The following ADCY9 variants were observed in gnomAD, a reference collection of about 807,000 sequenced individuals.
ADCY9 encodes the protein adenylate cyclase 9.
Under a neutral mutation model 101.5 loss-of-function variants are expected in ADCY9, and 50 were observed. The observed-to-expected ratio is 0.49, with a 90% CI of 0.39 to 0.62. The LOEUF is 0.62. ADCY9 is among the 20% of genes least tolerant of loss of function. The probability of loss-of-function intolerance (pLI) is 0.00; values close to 1 mark genes in which losing one functional copy is unlikely to be tolerated. For synonymous variants in ADCY9, 905 were observed against 769.3 expected (o/e 1.18, Z -2.92); for missense variants, 1,662 against 1,800.4 (o/e 0.92, Z 1.39).
chr16:4,074,217 TC>T (rs2056852278), intron 2 of ADCY9, among the ~76,000 whole-genome samples: 1 of 152,046 alleles, frequency 6.6e-6, no homozygotes, highest in Admixed American at 6.5e-5. Context: ...TACAAGGTTC[TC>T]ATAGAACCTT....
At chr16:4,095,387 G>A (rs2056997227) in intron 2 of ADCY9, among the ~76,000 whole-genome samples, 1 of 148,262 alleles carries the variant, frequency 6.7e-6, no homozygotes, top group Non-Finnish European at 1.5e-5. Flanking sequence ...ACGTCCCCTT[G>A]CACACTCAAT....
chr16:4,098,807 G>A (rs1034647868), intron 2 of ADCY9, among the ~76,000 whole-genome samples: 3 of 152,154 alleles, frequency 2.0e-5, no homozygotes, highest in African/African-American at 7.2e-5. Flanking sequence ...CTAGAGTTGG[G>A]CCTTCTAGAA....
chr16:4,004,997 C>T (rs1392376702), intron 3 of ADCY9, among the ~76,000 whole-genome samples: 4 of 152,194 alleles, frequency 2.6e-5, no homozygotes, highest in African/African-American at 9.7e-5. Context: ...CCTTTTACTA[C>T]ATGAGCATTC....
At chr16:3,993,354 G>A (rs1334285107) in intron 4 of ADCY9, 52 bp downstream of exon 4, 2 of 1,601,048 alleles carry the variant, frequency 1.2e-6, no homozygotes, top group Admixed American at 1.7e-5. Context: ...GTCACCTTGG[G>A]TGGATGCGCC....
chr16:3,991,752 C>T (rs1039798971), intron 5 of ADCY9, among the ~76,000 whole-genome samples: 15 of 110,180 alleles, frequency 1.4e-4, no homozygotes, highest in Non-Finnish European at 2.7e-4. Context: ...CACAGCAAGA[C>T]CTAGTCCTTA....
intron 2 of ADCY9, among the ~76,000 whole-genome samples, chr16:4,039,335 T>C (rs191863680): frequency 6.6e-6 from 1 of 152,216 alleles, no homozygotes; most frequent in Non-Finnish European, 1.5e-5. Flanking sequence ...GCTACTGTTT[T>C]AATTCTTGTC....
intron 2 of ADCY9, among the ~76,000 whole-genome samples, chr16:4,096,847 G>A (rs962255377): frequency 3.3e-5 from 5 of 151,368 alleles, no homozygotes; most frequent in Non-Finnish European, 5.9e-5. Context: ...ACTCAAACAC[G>A]AAAATAAATG....
intron 10 of ADCY9, among the ~76,000 whole-genome samples, chr16:3,973,861 T>A (rs1293000547): frequency 6.6e-6 from 1 of 152,176 alleles, no homozygotes; most frequent in Non-Finnish European, 1.5e-5. Context: ...GTGGTTCTAT[T>A]TATTATTTGT....
chr16:4,095,971 T>A (rs2057000961), intron 2 of ADCY9, among the ~76,000 whole-genome samples: 1 of 77,156 alleles, frequency 1.3e-5, no homozygotes. Context: ...AGCAAGACTC[T>A]ATCTCAAAAA....
intron 2 of ADCY9, among the ~76,000 whole-genome samples, chr16:4,008,478 G>A (rs1270418284): frequency 6.6e-6 from 1 of 151,982 alleles, no homozygotes; most frequent in Non-Finnish European, 1.5e-5. Flanking sequence ...TCGGAAGGAG[G>A]GACAATGTAA....
At chr16:4,073,398 CTT>C (rs35147648) in intron 2 of ADCY9, among the ~76,000 whole-genome samples, 7 of 141,652 alleles carry the variant, frequency 4.9e-5, no homozygotes, top group Non-Finnish European at 4.6e-5. Flanking sequence ...TCTTTAAAAA[CTT>C]TTTTTTTTTT....
At chr16:3,969,314 C>T (rs2056026766) in intron 10 of ADCY9, among the ~76,000 whole-genome samples, 1 of 151,220 alleles carries the variant, frequency 6.6e-6, no homozygotes, top group Admixed American at 6.6e-5. Flanking sequence ...GTGGTGTGAT[C>T]TCAGCTCACT....
chr16:4,011,595 T>C (rs979411846), intron 2 of ADCY9, among the ~76,000 whole-genome samples: 1 of 152,206 alleles, frequency 6.6e-6, no homozygotes, highest in Admixed American at 6.5e-5. Flanking sequence ...GCCTGGCTGC[T>C]GGAGGGGGCC....
chr16:4,065,633 G>A (rs550008540), intron 2 of ADCY9, among the ~76,000 whole-genome samples: 17 of 152,298 alleles, frequency 1.1e-4, no homozygotes, highest in African/African-American at 3.6e-4. Context: ...GGGCAATGGC[G>A]CTATTTTGGC....
intron 2 of ADCY9, among the ~76,000 whole-genome samples, chr16:4,065,330 C>T (rs961636618): frequency 3.3e-5 from 5 of 152,148 alleles, no homozygotes; most frequent in African/African-American, 4.8e-5. Flanking sequence ...TAACGCTGGC[C>T]GAAAGGGAAA....
At position 4,113,969 on chromosome 16, in the gene ADCY9, T is replaced by C; in HGVS notation, c.1474A>G (p.Thr492Ala). 1 of 1,613,940 alleles carries C rather than the reference T, an allele frequency of 6.2e-7. No homozygotes were observed. The change falls in exon 2 of 11, where the codon ACG (threonine) becomes GCG (alanine). Residue 492 changes from threonine to alanine, a missense_variant. Thr to Ala is a moderately conservative substitution (Grantham distance 58). This residue lies in a region of ADCY9 where 228 missense variants were observed against 301.1 expected (regional missense o/e 0.76). Transcript: ENST00000294016. The stretch of plus-strand genomic sequence containing the variant: ...AGGATGCCGCAAAGGACGGTGCCCG[T>C]GTGCACCCCGACTCTCATGTTCACC... ...EMVNMRVGVH[T>A]GTVLCGILGM...
At chr16:3,968,006 T>C (rs1211114883) in intron 10 of ADCY9, among the ~76,000 whole-genome samples, 2 of 151,562 alleles carry the variant, frequency 1.3e-5, no homozygotes, top group Non-Finnish European at 2.9e-5. Flanking sequence ...CTGAATGAAC[T>C]TTTTGAAAGT....
chr16:4,024,444 C>T (rs1054841615), intron 2 of ADCY9, among the ~76,000 whole-genome samples: 6 of 152,314 alleles, frequency 3.9e-5, no homozygotes, highest in Admixed American at 6.5e-5. Flanking sequence ...TATTGTACGA[C>T]GTCAAGCACA....
chr16:3,954,593 A>G (rs2055897897), intron 5 of ADCY9, among the ~76,000 whole-genome samples: 1 of 152,170 alleles, frequency 6.6e-6, no homozygotes, highest in African/African-American at 2.4e-5. Flanking sequence ...AGACCAGGAA[A>G]AGCGTCAGAA....
Sources: allele counts gnomAD v4.1 joint callset (sites outside exome capture counted in the v4.1 genomes callset), GRCh38; gene constraint gnomAD v4.1.1; regional missense constraint gnomAD v4.1.1; transcripts MANE v1.5; gene names NCBI Gene and HGNC (gene_info 2026-07-23, HGNC 2026-07-21).